TBL1X: variants seen among roughly 807,000 people sequenced by gnomAD.
TBL1X encodes the protein F-box-like/WD repeat-containing protein TBL1X.
TBL1X carries 10 observed loss-of-function variants against 50.7 expected under a neutral mutation model. The ratio of observed to expected loss-of-function variants is 0.20; its 90% CI spans 0.12 to 0.33. The LOEUF (loss-of-function observed/expected upper bound fraction) is 0.33, where lower values mean the gene tolerates loss of function less well. Ranked by LOEUF, TBL1X falls within the 10% of genes least tolerant of loss-of-function variation. TBL1X has a pLI of 1.00. For synonymous variants in TBL1X, 190 were observed against 214.7 expected, an observed-to-expected ratio of 0.88 and a Z score of 1.01; for missense variants, 340 against 504.4, an observed-to-expected ratio of 0.67 and a Z score of 3.12.
At chrX:9,689,101 TGTGTGTGCGC>T (rs941788608) in intron 7 of TBL1X, among the ~76,000 whole-genome samples, 2 of 113,662 alleles carry the variant, frequency 1.8e-5, no homozygotes, top group African/African-American at 6.4e-5. Context: ...TTTGTGTGCG[TGTGTGTGCGC>T]ACGCACGCAC....
intron 2 of TBL1X, among the ~76,000 whole-genome samples, chrX:9,579,735 A>G (rs1273581558): frequency 9.0e-6 from 1 of 110,912 alleles, no homozygotes; most frequent in Non-Finnish European, 1.9e-5. Flanking sequence ...TTGAGGGTGA[A>G]TGCTATTTTA....
chrX:9,554,082 T>C (rs1468283252), intron 2 of TBL1X, among the ~76,000 whole-genome samples: 1 of 112,330 alleles, frequency 8.9e-6, no homozygotes, highest in Non-Finnish European at 1.9e-5. Flanking sequence ...ACTTTCACCA[T>C]GTTGTCCAGA....
intron 2 of TBL1X, among the ~76,000 whole-genome samples, chrX:9,579,766 A>G (rs942827102): frequency 1.1e-4 from 12 of 110,733 alleles, no homozygotes; most frequent in African/African-American, 3.9e-4. Flanking sequence ...CCCCCTTGAC[A>G]CACTACCTTT....
intron 2 of TBL1X, among the ~76,000 whole-genome samples, chrX:9,512,356 A>G (rs2238849): frequency 9.0e-6 from 1 of 111,638 alleles, no homozygotes; most frequent in South Asian, 3.7e-4. Context: ...CTCATGACCA[A>G]TGCAGCTTTC....
intron 5 of TBL1X, among the ~76,000 whole-genome samples, chrX:9,679,324 C>T (rs141476409): frequency 9.0e-6 from 1 of 110,881 alleles, no homozygotes; most frequent in East Asian, 2.9e-4. Context: ...TGCTGCTCAA[C>T]ATCGTACAAT....
intron 2 of TBL1X, among the ~76,000 whole-genome samples, chrX:9,590,177 G>A (rs890188853): frequency 3.6e-5 from 4 of 111,468 alleles, no homozygotes; most frequent in Non-Finnish European, 7.5e-5. Context: ...AGGAGAAACC[G>A]GTGAAATTGG....
intron 1 of TBL1X, among the ~76,000 whole-genome samples, chrX:9,492,894 T>TGG (rs1555958946): frequency 0.075 from 1,805 of 24,142 alleles, 152 homozygotes; most frequent in East Asian, 0.16. Context: ...TGTGTGTGTG[T>TGG]GTGTAGGGGA....
At chrX:9,611,338 A>G (rs1398001839) in intron 2 of TBL1X, among the ~76,000 whole-genome samples, 1 of 112,543 alleles carries the variant, frequency 8.9e-6, no homozygotes, top group Non-Finnish European at 1.9e-5. Flanking sequence ...ATCCTATAAA[A>G]TAATGGTTTC....
At chrX:9,662,314 T>G (rs775434407) in intron 5 of TBL1X, among the ~76,000 whole-genome samples, 1 of 111,787 alleles carries the variant, frequency 8.9e-6, no homozygotes, top group Non-Finnish European at 1.9e-5. Context: ...AACCCAGATG[T>G]CCATTGACAG....
chrX:9,604,131 C>T (rs1470107657), intron 2 of TBL1X, among the ~76,000 whole-genome samples: 5 of 112,063 alleles, frequency 4.5e-5, no homozygotes, highest in African/African-American at 9.7e-5. Context: ...CCCACTCCAC[C>T]CTTCTCCCAA....
chrX:9,497,637 A>G (rs897912723), intron 1 of TBL1X, among the ~76,000 whole-genome samples: 1 of 109,385 alleles, frequency 9.1e-6, no homozygotes, highest in Non-Finnish European at 1.9e-5. Context: ...CTTTCTCTTC[A>G]TATCTATGGA....
At chrX:9,707,837 C>T (rs978389939) in intron 13 of TBL1X, among the ~76,000 whole-genome samples, 2 of 112,159 alleles carry the variant, frequency 1.8e-5, no homozygotes, top group East Asian at 2.8e-4. Flanking sequence ...CCCTGGGCCG[C>T]GAAACTTCTT....
chrX:9,523,640 G>A (rs2082117243), intron 2 of TBL1X, among the ~76,000 whole-genome samples: 1 of 112,401 alleles, frequency 8.9e-6, no homozygotes, highest in Non-Finnish European at 1.9e-5. Flanking sequence ...AGACTTCAGC[G>A]AGGCGCCCCC....
In TBL1X at chrX:9,630,884, AT is replaced by A. The variant is rs748033443; in HGVS notation, c.-130-9385del. On this transcript the variant is annotated intron_variant, in intron 2 of 17. Transcript: ENST00000645353. ...AGCCACCACACCTGGCCTTAAAAAT[AT>A]TTTCAATCCGTAGATGCAGAACTTG... 1.4e-4 allele frequency among the ~76,000 whole-genome samples: 16 copies of A among 112,430 alleles called. No homozygotes were observed. The South Asian group carries it at 5.4e-3, about 38-fold the overall frequency.
intron 2 of TBL1X, among the ~76,000 whole-genome samples, chrX:9,580,044 C>T (rs2082432264): frequency 1.8e-5 from 2 of 112,100 alleles, no homozygotes; most frequent in South Asian, 3.7e-4. Flanking sequence ...TATTCTGAGC[C>T]AACTCTGAGT....
chrX:9,566,718 T>C (rs1367525440), intron 2 of TBL1X, among the ~76,000 whole-genome samples: 1 of 105,097 alleles, frequency 9.5e-6, no homozygotes. Flanking sequence ...ACCCTTTGGA[T>C]GCATTCCAGT....
chrX:9,576,844 T>C (rs910612647), intron 2 of TBL1X, among the ~76,000 whole-genome samples: 4 of 109,365 alleles, frequency 3.7e-5, no homozygotes, highest in African/African-American at 1.3e-4. Flanking sequence ...ACATAAAATT[T>C]TAAAAATTAG....
chrX:9,636,249 G>A (rs779454537), intron 2 of TBL1X: 3 of 110,275 alleles, frequency 2.7e-5, no homozygotes, highest in East Asian at 2.8e-4. Flanking sequence ...ACATCTGAAC[G>A]TACCACTAAA....
intron 1 of TBL1X, among the ~76,000 whole-genome samples, chrX:9,491,006 TCTCA>T (rs2081938512): frequency 9.1e-6 from 1 of 109,418 alleles, no homozygotes; most frequent in African/African-American, 3.3e-5. Context: ...TGAGAGGGGA[TCTCA>T]CTCTATCACC....
Sources: gnomAD v4.1 joint callset for allele counts (sites outside exome capture counted in the v4.1 genomes callset) on GRCh38, gnomAD v4.1.1 for gene constraint, MANE v1.5 for transcripts, NCBI Gene and HGNC (gene_info 2026-07-23, HGNC 2026-07-21) for gene names.